The following KHDRBS2 variants were observed in gnomAD, a reference collection of about 807,000 sequenced individuals.
KHDRBS2 encodes KH RNA binding domain containing, signal transduction associated 2.
Under a neutral mutation model 44.3 loss-of-function variants are expected in KHDRBS2, and 26 were observed. The ratio of observed to expected loss-of-function variants is 0.59; its 90% confidence interval spans 0.43 to 0.81. KHDRBS2 has a LOEUF of 0.81. Among genes scored for constraint, KHDRBS2 ranks in the 40% least tolerant of loss-of-function variants. The pLI is 0.00. For missense variants in KHDRBS2, 476 were observed against 433.1 expected, an observed-to-expected ratio of 1.10 and a Z score of -0.88; for synonymous variants, 194 against 151.1, an observed-to-expected ratio of 1.28 and a Z score of -2.08.
chr6:62,135,442 G>A (rs776683674), intron 2 of KHDRBS2, among the ~76,000 whole-genome samples: 3 of 152,026 alleles, frequency 2.0e-5, no homozygotes, highest in South Asian at 2.1e-4. Context: ...AATGCAGCTG[G>A]TACAGCCATT....
intron 5 of KHDRBS2, among the ~76,000 whole-genome samples, chr6:61,895,251 G>A (rs769703416): frequency 6.6e-5 from 10 of 151,858 alleles, no homozygotes; most frequent in African/African-American, 9.7e-5. Flanking sequence ...GAAACTGAGC[G>A]GTTTCAGATG....
intron 2 of KHDRBS2, among the ~76,000 whole-genome samples, chr6:62,160,807 A>AG: frequency 6.6e-6 from 1 of 152,206 alleles, no homozygotes; most frequent in East Asian, 1.9e-4. Flanking sequence ...ATTTTTAAAA[A>AG]ATTTTGGGGA....
chr6:61,702,098 A>T (rs528362569), intron 7 of KHDRBS2, among the ~76,000 whole-genome samples: 23 of 151,996 alleles, frequency 1.5e-4, no homozygotes, highest in African/African-American at 5.5e-4. Context: ...GGATGACTAG[A>T]GCATTGGGCT....
intron 6 of KHDRBS2, among the ~76,000 whole-genome samples, chr6:61,800,489 C>T (rs1786081143): frequency 6.6e-6 from 1 of 152,026 alleles, no homozygotes; most frequent in Non-Finnish European, 1.5e-5. Context: ...CCAAAATTAA[C>T]CTGGATCTAT....
chr6:61,831,379 T>C (rs1312108403), intron 6 of KHDRBS2, among the ~76,000 whole-genome samples: 1 of 152,032 alleles, frequency 6.6e-6, no homozygotes, highest in Non-Finnish European at 1.5e-5. Flanking sequence ...GTGTGTGGCA[T>C]TTTAGCATTA....
the KHDRBS2 span, among the ~76,000 whole-genome samples, chr6:61,560,126 C>A: frequency 3.3e-5 from 5 of 152,132 alleles, no homozygotes; most frequent in Non-Finnish European, 7.4e-5. Flanking sequence ...ATATGTCATG[C>A]CACTCTTTCA....
At chr6:61,731,339 G>A (rs1046737810) in intron 7 of KHDRBS2, among the ~76,000 whole-genome samples, 2 of 152,000 alleles carry the variant, frequency 1.3e-5, no homozygotes, top group African/African-American at 4.8e-5. Flanking sequence ...GCTCATGATG[G>A]CTTCTCTATT....
chr6:61,626,530 T>C, the KHDRBS2 span, among the ~76,000 whole-genome samples: 2 of 152,262 alleles, frequency 1.3e-5, no homozygotes, highest in Admixed American at 1.3e-4. Context: ...TTTAAGTCAC[T>C]GCTATGTTAA....
intron 3 of KHDRBS2, among the ~76,000 whole-genome samples, chr6:61,980,405 G>T (rs1773592000): frequency 6.6e-6 from 1 of 152,030 alleles, no homozygotes; most frequent in Non-Finnish European, 1.5e-5. Context: ...ACCACCACCA[G>T]AAAAATAACT....
chr6:61,921,859 T>C (rs1808128396), intron 4 of KHDRBS2, among the ~76,000 whole-genome samples: 1 of 151,994 alleles, frequency 6.6e-6, no homozygotes, highest in South Asian at 2.1e-4. Flanking sequence ...GAATGATGTG[T>C]TACTACTTTT....
the KHDRBS2 span, among the ~76,000 whole-genome samples, chr6:61,586,223 A>C: frequency 6.6e-6 from 1 of 152,150 alleles, no homozygotes; most frequent in Non-Finnish European, 1.5e-5. Context: ...TTAATTAGGA[A>C]AATGCTTTGA....
At chr6:61,776,339 T>A (rs1343599404) in intron 6 of KHDRBS2, among the ~76,000 whole-genome samples, 2 of 152,010 alleles carry the variant, frequency 1.3e-5, no homozygotes, top group Non-Finnish European at 2.9e-5. Flanking sequence ...GAAACTACCA[T>A]CAGAGTGAAC....
intron 1 of KHDRBS2, among the ~76,000 whole-genome samples, chr6:62,252,584 G>A (rs1239246371): frequency 6.6e-6 from 1 of 151,774 alleles, no homozygotes; most frequent in African/African-American, 2.4e-5. Context: ...ATGCCTACTA[G>A]CCTCTGGATG....
intron 6 of KHDRBS2, among the ~76,000 whole-genome samples, chr6:61,823,381 T>G (rs1790304583): frequency 6.6e-6 from 1 of 152,082 alleles, no homozygotes; most frequent in African/African-American, 2.4e-5. Flanking sequence ...TATTCAGTCT[T>G]TTGCAGAATA....
chr6:62,135,926 T>C lies in KHDRBS2; in HGVS notation c.219+41259A>G, dbSNP rs192700603. Among the ~76,000 whole-genome samples the C allele has an allele frequency of 3.9e-5, 6 of 151,900 alleles. No individual in the cohort carries two copies. The East Asian group carries it at 9.7e-4, about 24-fold the overall frequency. Reference sequence around the variant, plus strand: ...GGTGGGGGAGAATGGGAAATATAGATCAAAGGGCACGAAGATGTAGTTATC... The same window carrying C: ...GGTGGGGGAGAATGGGAAATATAGACCAAAGGGCACGAAGATGTAGTTATC... On this transcript the variant is annotated intron_variant, in intron 2 of 8. Coordinates refer to ENST00000281156, the MANE Select transcript of KHDRBS2 (RefSeq NM_152688.4).
intron 6 of KHDRBS2, among the ~76,000 whole-genome samples, chr6:61,834,662 G>T (rs1027153145): frequency 6.6e-6 from 1 of 151,938 alleles, no homozygotes; most frequent in Non-Finnish European, 1.5e-5. Context: ...ACCTTCTCTG[G>T]GTTGTTTGTA....
At chr6:62,099,104 C>G (rs1025725672) in intron 2 of KHDRBS2, among the ~76,000 whole-genome samples, 1 of 152,132 alleles carries the variant, frequency 6.6e-6, no homozygotes, top group African/African-American at 2.4e-5. Context: ...TTATCCGTTT[C>G]TAAGAAATTA....
intron 6 of KHDRBS2, among the ~76,000 whole-genome samples, chr6:61,755,294 A>T (rs551232895): frequency 7.1e-4 from 108 of 152,282 alleles, no homozygotes; most frequent in African/African-American, 2.3e-3. Flanking sequence ...GCTACTGAGC[A>T]TTGGTAAGTT....
intron 3 of KHDRBS2, among the ~76,000 whole-genome samples, chr6:62,037,512 G>T (rs558890675): frequency 6.6e-6 from 1 of 151,854 alleles, no homozygotes; most frequent in East Asian, 1.9e-4. Flanking sequence ...TTCCATAAGA[G>T]TTTAATGATA....
Sources: gnomAD v4.1 joint callset for allele counts (sites outside exome capture counted in the v4.1 genomes callset) on GRCh38, gnomAD v4.1.1 for gene constraint, MANE v1.5 for transcripts, NCBI Gene and HGNC (gene_info 2026-07-23, HGNC 2026-07-21) for gene names.